Variants in FSD1L observed in about 807,000 individuals in gnomAD.
The protein encoded by FSD1L is FSD1-like protein.
Under a neutral mutation model 71.6 loss-of-function variants are expected in FSD1L, and 45 were observed. The ratio of observed to expected loss-of-function variants is 0.63; its 90% CI spans 0.49 to 0.81. The LOEUF is 0.81. Ranked by LOEUF, FSD1L falls within the 30% of genes least tolerant of loss-of-function variation. FSD1L has a pLI of 0.00. For synonymous variants in FSD1L, 197 were observed against 207.2 expected, an observed-to-expected ratio of 0.95 and a Z score of 0.42; for missense variants, 561 against 618.1, an observed-to-expected ratio of 0.91 and a Z score of 0.98.
At position 105,526,948 on chromosome 9, in the gene FSD1L, T is replaced by TA. The variant is rs1443445884; in HGVS notation, c.1026-7543dup. Among the ~76,000 whole-genome samples, 6 of 151,190 alleles carry TA rather than the reference T, an allele frequency of 4.0e-5. No homozygotes were observed. The South Asian group carries it at 1.3e-3, about 32-fold the overall frequency. ...TTTTACAAATGTAAAATTTTACATT[T>TA]AAGCATTTGTAAAGTTACAGCAAAA... On this transcript the variant is annotated intron_variant, in intron 10 of 13. Transcript: ENST00000481272.
intron 5 of FSD1L, among the ~76,000 whole-genome samples, chr9:105,475,386 C>T (rs2131663990): frequency 6.6e-6 from 1 of 152,312 alleles, no homozygotes; most frequent in East Asian, 1.9e-4. Context: ...TCCCACATCT[C>T]ACTTGTAATG....
rs1831200650 is a variant in FSD1L at position 105,468,219 on chromosome 9, G to A, written c.234G>A (p.Glu78=). 1 of 1,431,634 alleles carries A rather than the reference G, an allele frequency of 7.0e-7. No individual in the cohort carries two copies. Among genetic ancestry groups the A allele is most frequent in the African/African-American group, 1.5e-5 (1 of 66,206 alleles). 88.7% of individuals were successfully genotyped at this position (1,431,634 alleles called of 1,614,324 possible). ...AAAATTCGTCCAACATACTCTCAGA[G>A]TTAGATGAAGAATTTGATAGTTTAT... is the stretch of plus-strand genomic sequence containing the variant. ...VQENSSNILS[E]LDEEFDSLYS... is the part of the protein sequence containing the mutation. The change falls in exon 4 of 14, where the codon GAG becomes GAA. Residue 78 remains glutamate, a synonymous_variant. Transcript: ENST00000481272.
At chr9:105,530,768 A>G (rs984238628) in intron 10 of FSD1L, 1 of 514,220 alleles carries the variant, frequency 1.9e-6, no homozygotes, top group African/African-American at 2.0e-5. Flanking sequence ...TCAGTTGACA[A>G]TCATTGATTT....
intron 10 of FSD1L, chr9:105,523,583 T>G: frequency 1.2e-6 from 2 of 1,611,700 alleles, no homozygotes; most frequent in Non-Finnish European, 1.7e-6. Context: ...TTTCAGCTGA[T>G]AACCTGACCT....
intron 10 of FSD1L, among the ~76,000 whole-genome samples, chr9:105,533,881 G>A (rs557405719): frequency 8.6e-5 from 13 of 151,942 alleles, no homozygotes; most frequent in African/African-American, 3.1e-4. Context: ...GTGCCACCAC[G>A]CCCTACTAAT....
intron 3 of FSD1L, 108 bp from the exon 4 acceptor site, chr9:105,468,085 C>G (rs1831191653): frequency 4.0e-6 from 3 of 744,630 alleles, no homozygotes; most frequent in Non-Finnish European, 3.8e-6. Context: ...TTATATTAGG[C>G]CAACATAGTT....
In FSD1L at chr9:105,520,846, C is replaced by T. The variant is rs1336591299; in HGVS notation, c.1025+7910C>T. On this transcript the variant is annotated intron_variant, in intron 10 of 13. Transcript: ENST00000481272. ...ATCACTCCTCTTGTCCCCCCACAATCAGGAGATAAAGGGCAAGAAGATCTC... is the reference window on the plus strand; with the variant it reads ...ATCACTCCTCTTGTCCCCCCACAATTAGGAGATAAAGGGCAAGAAGATCTC... 5 of 1,612,188 alleles carry T rather than the reference C, an allele frequency of 3.1e-6. No individual in the cohort carries two copies. The South Asian group carries it at 3.3e-5, about 11-fold the overall frequency.
intron 10 of FSD1L, among the ~76,000 whole-genome samples, chr9:105,530,338 CTTA>C (rs887337115): frequency 8.5e-5 from 13 of 152,172 alleles, no homozygotes; most frequent in African/African-American, 2.9e-4. Context: ...TGACATAAAA[CTTA>C]TTATAAGTTG....
intron 7 of FSD1L, among the ~76,000 whole-genome samples, chr9:105,488,820 T>TA (rs1832724346): frequency 1.5e-5 from 1 of 64,994 alleles, no homozygotes; most frequent in African/African-American, 6.3e-5. Context: ...TTACATTGGG[T>TA]TTTTTTTTTT....
chr9:105,520,953 G>C, intron 10 of FSD1L: 6 of 1,611,836 alleles, frequency 3.7e-6, no homozygotes, highest in Non-Finnish European at 5.1e-6. Flanking sequence ...AGAAAACCAA[G>C]AAAGGGGATT....
At chr9:105,457,598 G>T (rs1027856549) in intron 1 of FSD1L, among the ~76,000 whole-genome samples, 2 of 152,256 alleles carry the variant, frequency 1.3e-5, no homozygotes, top group African/African-American at 4.8e-5. Context: ...TACTTTGGAT[G>T]TTTCTTAACC....
chr9:105,518,057 A>G (rs1395593083), intron 10 of FSD1L, among the ~76,000 whole-genome samples: 2 of 152,040 alleles, frequency 1.3e-5, no homozygotes, highest in Non-Finnish European at 2.9e-5. Context: ...ATCAAAAGAG[A>G]CAAAGAAGGG....
At position 105,508,772 on chromosome 9, in the gene FSD1L, C is replaced by G. The variant is rs1028104398; in HGVS notation, c.895+57C>G. The G allele has an allele frequency of 3.8e-6, 4 of 1,049,704 alleles. No homozygotes were observed. The East Asian group carries it at 1.1e-4, about 29-fold the overall frequency. 65.0% of individuals were successfully genotyped at this position (1,049,704 alleles called of 1,614,324 possible). A position where few individuals can be genotyped will look rare whatever the true frequency, so the allele number is the denominator to read the frequency against. ...ACAAAGCTTAACATCTGAAGTTATT[C>G]ATAACTTTGTAACAGGAAGCACTTC... is the stretch of plus-strand genomic sequence containing the variant. On this transcript the variant is annotated intron_variant, in intron 9 of 13. Coordinates refer to ENST00000481272, the MANE Select transcript of FSD1L (RefSeq NM_001145313.3).
intron 3 of FSD1L, among the ~76,000 whole-genome samples, chr9:105,466,148 T>G (rs1043511698): frequency 3.9e-5 from 6 of 152,108 alleles, no homozygotes. Flanking sequence ...TCCCATTTGC[T>G]GTAGCATAAA....
intron 10 of FSD1L, among the ~76,000 whole-genome samples, chr9:105,514,576 G>A (rs975282125): frequency 9.9e-5 from 15 of 152,206 alleles, no homozygotes; most frequent in South Asian, 2.1e-4. Context: ...GTGAATAAAG[G>A]TATTCAGAGG....
At chr9:105,482,393 GTTAATTAGGTAGT>G (rs1269888792) in intron 6 of FSD1L, among the ~76,000 whole-genome samples, 2 of 152,226 alleles carry the variant, frequency 1.3e-5, no homozygotes, top group Non-Finnish European at 2.9e-5. Context: ...AAAGAGTCAA[GTTAATTAGGTAGT>G]TTGAGGAAAT....
intron 10 of FSD1L, chr9:105,520,178 G>T (rs1194057774): frequency 6.2e-7 from 1 of 1,611,322 alleles, no homozygotes; most frequent in African/African-American, 1.3e-5. Context: ...CCCAGAAGGT[G>T]CTAGACACCA....
At chr9:105,475,964 G>A (rs1340145441) in intron 5 of FSD1L, among the ~76,000 whole-genome samples, 1 of 151,912 alleles carries the variant, frequency 6.6e-6, no homozygotes, top group Non-Finnish European at 1.5e-5. Context: ...AGGCTTTGAG[G>A]CTCTTTTTCC....
In FSD1L at chr9:105,458,992, G is replaced by T. The variant is rs1023538792; in HGVS notation, c.16-2528G>T. 3.9e-5 allele frequency among the ~76,000 whole-genome samples: 6 copies of T among 152,198 alleles called. No homozygotes were observed. The East Asian group carries it at 1.2e-3, about 29-fold the overall frequency. ...ACTCGTTGAATTATGATATATTTTA[G>T]ATCTTTTCTGCTCTCTTTCTCTGCC... On this transcript the variant is annotated intron_variant, in intron 1 of 13. Transcript: ENST00000481272.
Sources: gnomAD v4.1 joint callset for allele counts (sites outside exome capture counted in the v4.1 genomes callset) on GRCh38, gnomAD v4.1.1 for gene constraint, MANE v1.5 for transcripts, NCBI Gene and HGNC (gene_info 2026-07-23, HGNC 2026-07-21) for gene names.